Variants in SUGCT observed in about 807,000 individuals in gnomAD.
SUGCT encodes succinyl-CoA:glutarate-CoA transferase, also known as succinyl-CoA:glutarate CoA-transferase.
Under a neutral mutation model 55.0 loss-of-function variants are expected in SUGCT, and 41 were observed. The ratio of observed to expected loss-of-function variants is 0.74; its 90% CI spans 0.58 to 0.97. The LOEUF is 0.97. Ranked by LOEUF, SUGCT falls within the 50% of genes least tolerant of loss-of-function variation. The pLI is 0.00. For missense variants in SUGCT, 568 were observed against 547.8 expected (o/e 1.04, Z -0.37); for synonymous variants, 187 against 200.4 (o/e 0.93, Z 0.56).
At chr7:40,172,963 TACTC>T (rs1784746831) in intron 1 of SUGCT, among the ~76,000 whole-genome samples, 1 of 152,202 alleles carries the variant, frequency 6.6e-6, no homozygotes, top group South Asian at 2.1e-4. Flanking sequence ...GGTCCAATAT[TACTC>T]ACAGCTTTGG....
chr7:40,833,900 C>A (rs182170660), intron 13 of SUGCT, among the ~76,000 whole-genome samples: 1 of 152,284 alleles, frequency 6.6e-6, no homozygotes, highest in East Asian at 1.9e-4. Flanking sequence ...TAGGACCCTA[C>A]CCTTTATTAT....
intron 12 of SUGCT, among the ~76,000 whole-genome samples, chr7:40,720,381 A>G (rs1342685191): frequency 6.6e-6 from 1 of 152,230 alleles, no homozygotes; most frequent in Admixed American, 6.5e-5. Context: ...ACAATTTTAA[A>G]CATTTTAATC....
chr7:40,360,887 G>T (rs112921675), intron 9 of SUGCT, among the ~76,000 whole-genome samples: 3 of 152,226 alleles, frequency 2.0e-5, no homozygotes, highest in African/African-American at 7.2e-5. Context: ...AAGATTGTGG[G>T]CCAGGAGACC....
chr7:40,404,612 T>C (rs982634931), intron 9 of SUGCT, among the ~76,000 whole-genome samples: 2 of 152,096 alleles, frequency 1.3e-5, no homozygotes, highest in African/African-American at 4.8e-5. Flanking sequence ...GATTTTTGTA[T>C]TTTTAGTAGA....
At chr7:40,898,480 C>CGGGGGGGGGGGGGGG in the SUGCT span, among the ~76,000 whole-genome samples, 7 of 5,714 alleles carry the variant, frequency 1.2e-3, 1 homozygote, top group Admixed American at 3.1e-3. Flanking sequence ...TCCGGGAGGT[C>CGGGGGGGGGGGGGGG]GGGGGGGGGG....
chr7:40,828,229 G>A (rs1467913506), intron 13 of SUGCT, among the ~76,000 whole-genome samples: 2 of 152,214 alleles, frequency 1.3e-5, no homozygotes, highest in African/African-American at 2.4e-5. Flanking sequence ...CATGAGTCAA[G>A]TGGGGCTGCC....
At chr7:40,932,752 CTTT>C in the SUGCT span, among the ~76,000 whole-genome samples, 8 of 127,756 alleles carry the variant, frequency 6.3e-5, no homozygotes, top group Admixed American at 7.9e-5. Context: ...GCAACCTCTG[CTTT>C]TTTTTTTTTT....
chr7:40,306,944 T>G (rs1041262149), intron 8 of SUGCT, among the ~76,000 whole-genome samples: 1 of 152,232 alleles, frequency 6.6e-6, no homozygotes, highest in Non-Finnish European at 1.5e-5. Flanking sequence ...CTGATTTTGA[T>G]TCATATGGAT....
intron 12 of SUGCT, among the ~76,000 whole-genome samples, chr7:40,582,265 A>C (rs1278207724): frequency 6.6e-6 from 1 of 152,174 alleles, no homozygotes; most frequent in Admixed American, 6.5e-5. Flanking sequence ...TGTTACTTGC[A>C]GTACGGTGAA....
chr7:40,187,706 G>C (rs1785607568), intron 3 of SUGCT, among the ~76,000 whole-genome samples: 1 of 152,218 alleles, frequency 6.6e-6, no homozygotes, highest in African/African-American at 2.4e-5. Flanking sequence ...TGGGTCACTT[G>C]AAGTCAGGAT....
At chr7:41,030,957 G>A in the SUGCT span, among the ~76,000 whole-genome samples, 2 of 152,116 alleles carry the variant, frequency 1.3e-5, no homozygotes, top group Non-Finnish European at 2.9e-5. Flanking sequence ...AAGTGCCACA[G>A]GATTGATTAT....
At chr7:40,378,474 A>T (rs953213714) in intron 9 of SUGCT, among the ~76,000 whole-genome samples, 24 of 151,994 alleles carry the variant, frequency 1.6e-4, no homozygotes, top group African/African-American at 5.6e-4. Flanking sequence ...CACCTTTCTC[A>T]TACCTTTTTT....
intron 12 of SUGCT, among the ~76,000 whole-genome samples, chr7:40,717,349 C>G (rs1361667695): frequency 6.6e-6 from 1 of 152,174 alleles, no homozygotes; most frequent in African/African-American, 2.4e-5. Flanking sequence ...GAGAGCCCTG[C>G]TAGCAGCTTT....
At chr7:40,831,827 A>C (rs754933625) in intron 13 of SUGCT, among the ~76,000 whole-genome samples, 4 of 152,220 alleles carry the variant, frequency 2.6e-5, no homozygotes, top group Non-Finnish European at 5.9e-5. Context: ...ATAGGCCTGT[A>C]GTGTGATGAA....
chr7:40,806,993 C>T (rs1378152833), intron 13 of SUGCT, among the ~76,000 whole-genome samples: 1 of 152,116 alleles, frequency 6.6e-6, no homozygotes, highest in Non-Finnish European at 1.5e-5. Flanking sequence ...ATTCACTACC[C>T]ACCTTCTAAA....
At chr7:40,555,464 T>C (rs1370121592) in intron 12 of SUGCT, among the ~76,000 whole-genome samples, 1 of 152,142 alleles carries the variant, frequency 6.6e-6, no homozygotes, top group Non-Finnish European at 1.5e-5. Flanking sequence ...ATGAGTGTGA[T>C]GCTGGGCTGG....
the SUGCT span, among the ~76,000 whole-genome samples, chr7:40,990,270 A>G: frequency 6.6e-6 from 1 of 152,368 alleles, no homozygotes; most frequent in Admixed American, 6.5e-5. Flanking sequence ...GAGCAGGTGC[A>G]TTGTTATGAG....
intron 9 of SUGCT, among the ~76,000 whole-genome samples, chr7:40,406,835 C>A (rs1372835592): frequency 6.6e-6 from 1 of 152,066 alleles, no homozygotes; most frequent in Non-Finnish European, 1.5e-5. Context: ...GGTGCTCATT[C>A]ATATTCAATG....
chr7:40,697,824 T>G (rs766024503), intron 12 of SUGCT, among the ~76,000 whole-genome samples: 3 of 152,180 alleles, frequency 2.0e-5, no homozygotes, highest in Non-Finnish European at 4.4e-5. Context: ...TACACCTTAT[T>G]GCTCAATCAT....
Sources: allele counts gnomAD v4.1 joint callset (sites outside exome capture counted in the v4.1 genomes callset), GRCh38; gene constraint gnomAD v4.1.1; transcripts MANE v1.5; gene names NCBI Gene and HGNC (gene_info 2026-07-23, HGNC 2026-07-21).